Variants in LAMB1 observed in about 807,000 individuals in gnomAD.
LAMB1 encodes laminin subunit beta-1.
A neutral mutation model predicts 222.3 loss-of-function variants in LAMB1; 121 were observed. The observed-to-expected ratio is 0.54, with a 90% CI of 0.47 to 0.63. The LOEUF (loss-of-function observed/expected upper bound fraction) is 0.63, where lower values mean the gene tolerates loss of function less well. Ranked by LOEUF, LAMB1 falls within the 30% of genes least tolerant of loss-of-function variation. The pLI, the probability that LAMB1 is intolerant of heterozygous loss-of-function variation, is 0.00. For missense variants in LAMB1, 2,172 were observed against 2,240.8 expected (o/e 0.97, Z 0.62); for synonymous variants, 794 against 807.2 (o/e 0.98, Z 0.28).
At chr7:108,000,716 A>C (rs1427368975) in intron 3 of LAMB1, among the ~76,000 whole-genome samples, 1 of 151,706 alleles carries the variant, frequency 6.6e-6, no homozygotes, top group East Asian at 1.9e-4. Context: ...GCTAAGTTTT[A>C]AAAATTTTTT....
intron 20 of LAMB1, among the ~76,000 whole-genome samples, chr7:107,957,167 A>G (rs1432082101): frequency 6.6e-6 from 1 of 152,152 alleles, no homozygotes; most frequent in African/African-American, 2.4e-5. Flanking sequence ...CAGCGGGTGG[A>G]TCACCTGAGG....
intron 7 of LAMB1, among the ~76,000 whole-genome samples, chr7:107,984,717 CAGTT>C (rs1177465854): frequency 6.6e-6 from 1 of 152,148 alleles, no homozygotes; most frequent in Non-Finnish European, 1.5e-5. Context: ...AAATGACACT[CAGTT>C]AAATTTGAAT....
rs992912417 is a variant in LAMB1, at chr7:107,961,599, A to G, written c.1935T>C (p.Asn645=). ...GRIPTSSRCG[N]TIPDDDNQVV... is the part of the protein sequence containing the mutation. ...CCTGGTTGTCATCATCGGGGATGGT[A>G]TTACCACATCGGCTGCTGGTTGGAA... Residue 645 remains asparagine, a synonymous_variant, in exon 16 of 34, where the codon AAT becomes AAC. Coordinates refer to ENST00000222399, the MANE Select transcript of LAMB1 (RefSeq NM_002291.3). 1 of 1,614,094 alleles carries G rather than the reference A, an allele frequency of 6.2e-7. No individual in the cohort carries two copies. Among genetic ancestry groups the G allele is most frequent in the Non-Finnish European group, 8.5e-7 (1 of 1,179,970 alleles).
intron 8 of LAMB1, among the ~76,000 whole-genome samples, chr7:107,978,456 A>G (rs749130389): frequency 9.5e-6 from 1 of 105,618 alleles, no homozygotes; most frequent in Admixed American, 8.6e-5. Context: ...ACTTAAAATT[A>G]AAAAAAAAAA....
At chr7:107,937,907 T>G (rs960789696) in intron 25 of LAMB1, among the ~76,000 whole-genome samples, 2 of 152,302 alleles carry the variant, frequency 1.3e-5, no homozygotes, top group Admixed American at 1.3e-4. Context: ...AGTATTTAAT[T>G]TGGAATCTAA....
In LAMB1 at chr7:107,978,160, C is replaced by T. The variant is rs2033905083; in HGVS notation, c.887G>A (p.Gly296Glu). 6.2e-7 allele frequency: 1 copy of T among 1,613,880 alleles called. No homozygotes were observed. The highest frequency in any genetic ancestry group is 1.3e-5 in the African/African-American group (1 of 75,028). ...FNEEVEGMVH[G>E]HCMCRHNTKG... ...GGTGTTATGCCTGCACATGCAGTGT[C>T]CGTGAACCTTGAAAGTTATAAAAAC... Residue 296 changes from glycine to glutamate, a missense_variant, in exon 9 of 34, where the codon GGA (glycine) becomes GAA (glutamate). By Grantham distance (98) the Gly-to-Glu change is moderately conservative. Transcript: ENST00000222399.
intron 24 of LAMB1, among the ~76,000 whole-genome samples, chr7:107,940,909 C>T (rs1294098412): frequency 6.6e-6 from 1 of 152,202 alleles, no homozygotes; most frequent in African/African-American, 2.4e-5. Context: ...TCTTTACGTA[C>T]CTGACTCTAT....
At chr7:107,930,847 C>G (rs1308335683) in intron 29 of LAMB1, among the ~76,000 whole-genome samples, 2 of 152,150 alleles carry the variant, frequency 1.3e-5, no homozygotes, top group African/African-American at 2.4e-5. Flanking sequence ...TACTGGATAT[C>G]TTATTAAGAT....
intron 13 of LAMB1, among the ~76,000 whole-genome samples, chr7:107,970,371 C>T (rs546293539): frequency 6.6e-6 from 1 of 151,662 alleles, no homozygotes; most frequent in South Asian, 2.1e-4. Flanking sequence ...GCCTGTAGTC[C>T]CAACTACTCG....
chr7:107,995,669 T>A (rs2034268528), intron 4 of LAMB1, among the ~76,000 whole-genome samples: 1 of 152,184 alleles, frequency 6.6e-6, no homozygotes. Flanking sequence ...TCAGTCTCAC[T>A]TAAACACGTT....
In LAMB1 at chr7:107,975,717, C is replaced by T; in HGVS notation, c.1161G>A (p.Arg387=). 6.2e-7 allele frequency: 1 copy of T among 1,612,128 alleles called. No individual in the cohort carries two copies. The change falls in exon 10 of 34, where the codon AGG becomes AGA. Residue 387 remains arginine (R), a synonymous_variant. Transcript: ENST00000222399. ...CKPFYYQHPE[R]DIRDPNFCER... Reference sequence around the variant, plus strand: ...CACAGAAATTAGGATCTCGGATGTCCCTCTCTGGGTGCTGGTAGTAAAACG... The same window carrying T: ...CACAGAAATTAGGATCTCGGATGTCTCTCTCTGGGTGCTGGTAGTAAAACG...
chr7:107,949,054 C>T (rs34078985), intron 24 of LAMB1, among the ~76,000 whole-genome samples: 2,659 of 152,240 alleles, frequency 0.017, 69 homozygotes, highest in African/African-American at 0.06. Flanking sequence ...AAGTTTCTTA[C>T]GTAATGAGCT....
chr7:107,957,645 C>A (rs754957130), intron 20 of LAMB1, among the ~76,000 whole-genome samples: 15 of 152,144 alleles, frequency 9.9e-5, no homozygotes, highest in South Asian at 2.1e-4. Flanking sequence ...CAAGGATTTC[C>A]AATTCAATTT....
intron 8 of LAMB1, 64 bp from the exon 9 acceptor site, chr7:107,978,231 T>A: frequency 6.4e-7 from 1 of 1,560,128 alleles, no homozygotes; most frequent in Non-Finnish European, 8.8e-7. Context: ...CGTTTCTCCA[T>A]AATCAATTGA....
intron 3 of LAMB1, chr7:107,999,895 C>CT (rs1159631566): frequency 6.6e-6 from 1 of 151,758 alleles, no homozygotes; most frequent in African/African-American, 2.4e-5. Flanking sequence ...CGCTGCACCT[C>CT]TTTTTTGTGG....
At chr7:108,002,212 A>AGAGTGC (rs766937414) in intron 2 of LAMB1, 22 of 1,355,612 alleles carry the variant, frequency 1.6e-5, no homozygotes, top group Non-Finnish European at 2.0e-5. Flanking sequence ...TTGGGAAGCG[A>AGAGTGC]GAGTGCGTGT....
chr7:107,957,137 C>G (rs1221117797), intron 20 of LAMB1, among the ~76,000 whole-genome samples: 1 of 152,198 alleles, frequency 6.6e-6, no homozygotes, highest in African/African-American at 2.4e-5. Context: ...CCCCTGTAAT[C>G]CCAGCATTTT....
intron 5 of LAMB1, among the ~76,000 whole-genome samples, chr7:107,990,059 G>A (rs1474560933): frequency 6.6e-6 from 1 of 151,592 alleles, no homozygotes; most frequent in Non-Finnish European, 1.5e-5. Context: ...TGTTTTTTGA[G>A]ATAGAGTCTT....
chr7:107,999,963 A>T (rs2034352251), intron 3 of LAMB1: 1 of 152,130 alleles, frequency 6.6e-6, no homozygotes, highest in Non-Finnish European at 1.5e-5. Context: ...TATAGAAATC[A>T]TCACTGAGAG....
Sources: gnomAD v4.1 joint callset for allele counts (sites outside exome capture counted in the v4.1 genomes callset) on GRCh38, gnomAD v4.1.1 for gene constraint, MANE v1.5 for transcripts, NCBI Gene and HGNC (gene_info 2026-07-23, HGNC 2026-07-21) for gene names.